Variants in RCBTB2 observed in about 807,000 individuals in gnomAD.
The protein encoded by RCBTB2 is RCC1 and BTB domain-containing protein 2.
In RCBTB2, 55 loss-of-function variants were observed where a neutral mutation model predicts 65.4. The observed-to-expected ratio is 0.84, with a 90% CI of 0.68 to 1.05. The LOEUF (loss-of-function observed/expected upper bound fraction) is 1.05. RCBTB2 is among the 50% of genes least tolerant of loss of function. The pLI, the probability that RCBTB2 is intolerant of heterozygous loss-of-function variation, is 0.00. For synonymous variants in RCBTB2, 220 were observed against 255.2 expected (o/e 0.86, Z 1.31); for missense variants, 599 against 680.1 (o/e 0.88, Z 1.33).
chr13:48,523,747 T>C (rs1020030125), intron 2 of RCBTB2, among the ~76,000 whole-genome samples: 3 of 152,160 alleles, frequency 2.0e-5, no homozygotes, highest in Non-Finnish European at 4.4e-5. Context: ...AGAAGGGAAA[T>C]CTTCCTAATG....
rs1950837316 is a variant in RCBTB2, at chr13:48,512,152, T to C, written c.539A>G (p.Asn180Ser). 1 of 1,613,954 alleles carries C rather than the reference T, an allele frequency of 6.2e-7. No individual in the cohort carries two copies. The highest frequency in any genetic ancestry group is 1.1e-5 in the South Asian group (1 of 91,072). Residue 180 changes from asparagine to serine, a missense_variant, in exon 8 of 15, where the codon AAC becomes AGC. Asn to Ser is a conservative substitution (Grantham distance 46). Transcript: ENST00000344532. ...DGEVFAWGYN[N>S]SGQVGSGSTV... ...TGATCCAGATCCTACCTGCCCAGAG[T>C]TATTATAACCCCAGGCAAATACCTG...
At chr13:48,517,231 C>T (rs190292809) in intron 4 of RCBTB2, among the ~76,000 whole-genome samples, 6 of 152,306 alleles carry the variant, frequency 3.9e-5, no homozygotes, top group African/African-American at 1.2e-4. Context: ...GGACAGAGAC[C>T]GAGTCTTTCA....
chr13:48,527,341 T>TATATATATATATC (rs1566336996), intron 1 of RCBTB2, among the ~76,000 whole-genome samples: 3 of 124,168 alleles, frequency 2.4e-5, no homozygotes, highest in African/African-American at 9.9e-5. Flanking sequence ...ATATATGATA[T>TATATATATATATC]ATATATATAT....
chr13:48,500,171 C>T (rs1348160659), intron 12 of RCBTB2, among the ~76,000 whole-genome samples: 2 of 152,170 alleles, frequency 1.3e-5, no homozygotes, highest in Non-Finnish European at 2.9e-5. Flanking sequence ...CAAAATGTGA[C>T]CTTACTAGGA....
At chr13:48,535,867 T>G, upstream of RCBTB2, 1 of 403,816 alleles carries the variant, frequency 2.5e-6, no homozygotes. Context: ...GACTTCTCTA[T>G]CTTCTCGTTC....
rs1468801839 is a variant in RCBTB2, at chr13:48,488,966, T to C, written c.*1145A>G. On this transcript the variant is annotated 3_prime_UTR_variant, in exon 15 of 15. Transcript: ENST00000344532. ...AAAAAAAACCCCAACACATTTGTTC[T>C]GTTATCTGCAAATAAGCACTTTATT... is the stretch of plus-strand genomic sequence containing the variant. 1 of 152,206 alleles carries C rather than the reference T, an allele frequency of 6.6e-6. No individual in the cohort carries two copies. 9.4% of individuals were successfully genotyped at this position (152,206 alleles called of 1,614,324 possible).
chr13:48,504,389 C>A lies in RCBTB2; in HGVS notation c.927-1475G>T, dbSNP rs921790228. 7 of 945,954 alleles carry A rather than the reference C, an allele frequency of 7.4e-6. No homozygotes were observed. The South Asian group carries it at 3.4e-4, about 46-fold the overall frequency. 58.6% of individuals were successfully genotyped at this position (945,954 alleles called of 1,614,324 possible). Reference sequence around the variant, plus strand: ...CTCACAAGTCAATTTTGTCCACACACCCTGTTTCAACAAACAGGCTTTCTC... The same window carrying A: ...CTCACAAGTCAATTTTGTCCACACAACCTGTTTCAACAAACAGGCTTTCTC... On this transcript the variant is annotated intron_variant, in intron 10 of 14. Transcript: ENST00000344532.
chr13:48,506,658 A>G (rs934473165), intron 10 of RCBTB2, among the ~76,000 whole-genome samples: 8 of 152,326 alleles, frequency 5.3e-5, no homozygotes, highest in Non-Finnish European at 7.4e-5. Context: ...AGCAATTAAT[A>G]AAAGGAAAAA....
At chr13:48,525,242 T>G (rs749616924) in intron 1 of RCBTB2, among the ~76,000 whole-genome samples, 21 of 150,572 alleles carry the variant, frequency 1.4e-4, no homozygotes, top group Non-Finnish European at 2.8e-4. Flanking sequence ...TGCCACAGAA[T>G]GGGGGAAGAT....
chr13:48,517,326 G>T (rs1212661153), intron 4 of RCBTB2, among the ~76,000 whole-genome samples: 1 of 152,162 alleles, frequency 6.6e-6, no homozygotes, highest in Admixed American at 6.5e-5. Context: ...ATGAATGGCT[G>T]TGACTCATTT....
chr13:48,512,896 C>A lies in RCBTB2; in HGVS notation c.350-1G>T. On this transcript the variant is annotated splice_acceptor_variant, in intron 6 of 14. Coordinates refer to ENST00000344532, the MANE Select transcript of RCBTB2 (RefSeq NM_001268.4). LOFTEE classifies it high-confidence loss of function. ...TGACCCCAGGTAAAGACTTCTCCTT[C>A]TGAAAATAAAAAGAAAGACAATCAG... 1.2e-6 allele frequency: 2 copies of A among 1,600,484 alleles called. No individual in the cohort carries two copies. The highest frequency in any genetic ancestry group is 1.7e-6 in the Non-Finnish European group (2 of 1,172,710).
chr13:48,528,417 A>G (rs1387304216), intron 1 of RCBTB2, among the ~76,000 whole-genome samples: 1 of 152,226 alleles, frequency 6.6e-6, no homozygotes, highest in East Asian at 1.9e-4. Context: ...AATTCTCTCA[A>G]TATAGAACTC....
intron 14 of RCBTB2, among the ~76,000 whole-genome samples, chr13:48,493,312 C>CT: frequency 4.1e-5 from 3 of 72,390 alleles, no homozygotes; most frequent in Admixed American, 1.4e-4. Flanking sequence ...CACACACACA[C>CT]ACACTCTCTC....
At chr13:48,499,166 T>TCACA (rs1186154093) in intron 13 of RCBTB2, among the ~76,000 whole-genome samples, 2 of 148,960 alleles carry the variant, frequency 1.3e-5, no homozygotes, top group African/African-American at 5.1e-5. Flanking sequence ...TCTCTCTCTC[T>TCACA]CTCACACACA....
chr13:48,493,435 CCAT>C (rs976520814), intron 14 of RCBTB2, among the ~76,000 whole-genome samples: 7 of 151,622 alleles, frequency 4.6e-5, no homozygotes, highest in Admixed American at 4.6e-4. Context: ...CTTCAAATGC[CCAT>C]CATATCTGCT....
At chr13:48,529,312 C>T (rs1951975251) in intron 1 of RCBTB2, among the ~76,000 whole-genome samples, 1 of 152,190 alleles carries the variant, frequency 6.6e-6, no homozygotes, top group Non-Finnish European at 1.5e-5. Context: ...CTTTGACCCA[C>T]AGCATATATA....
At chr13:48,518,472 A>AAAAAAAAAATATAT (rs1491137365) in intron 4 of RCBTB2, among the ~76,000 whole-genome samples, 2 of 116,620 alleles carry the variant, frequency 1.7e-5, no homozygotes, top group African/African-American at 7.5e-5. Flanking sequence ...AAAAAAAAAA[A>AAAAAAAAAATATAT]ATATATATAT....
intron 10 of RCBTB2, among the ~76,000 whole-genome samples, chr13:48,508,549 AT>A (rs796928262): frequency 5.5e-4 from 83 of 152,118 alleles, no homozygotes; most frequent in African/African-American, 1.8e-3. Flanking sequence ...GATTACAGGC[AT>A]GTGCCACTGT....
chr13:48,499,743 G>A lies in RCBTB2; in HGVS notation c.1262C>T (p.Ser421Leu), dbSNP rs747324839. Residue 421 changes from serine to leucine, a missense_variant, in exon 13 of 15, where the codon TCG (serine) becomes TTG (leucine). Physicochemically the swap from Ser to Leu is moderately radical, Grantham distance 145. Coordinates refer to ENST00000344532, the MANE Select transcript of RCBTB2 (RefSeq NM_001268.4). ...ATCATCCTCGTTATCTTCCAATGAC[G>A]AACGAAAATGCTCACATCTGAAGGA... ...LLKIRCEHFRSSLEDNEDDIV... is the reference protein window; with the variant it reads ...LLKIRCEHFRLSLEDNEDDIV... 28 of 1,613,920 alleles carry A rather than the reference G, an allele frequency of 1.7e-5. No individual in the cohort carries two copies. In the East Asian group the frequency reaches 3.1e-4, roughly 18 times the overall value.
Sources: allele counts gnomAD v4.1 joint callset (sites outside exome capture counted in the v4.1 genomes callset), GRCh38; gene constraint gnomAD v4.1.1; transcripts MANE v1.5; gene names NCBI Gene and HGNC (gene_info 2026-07-23, HGNC 2026-07-21).